Variants in KCNH5 observed in about 807,000 individuals in gnomAD.
KCNH5 encodes the protein potassium voltage-gated channel subfamily H member 5.
Under a neutral mutation model 96.1 loss-of-function variants are expected in KCNH5, and 46 were observed. The ratio of observed to expected loss-of-function variants is 0.48; its 90% CI spans 0.38 to 0.61. The LOEUF is 0.61. Among genes scored for constraint, KCNH5 ranks in the 20% least tolerant of loss-of-function variants. The pLI, the probability that KCNH5 is intolerant of heterozygous loss-of-function variation, is 0.00. For missense variants in KCNH5, 907 were observed against 1,225.8 expected, an observed-to-expected ratio of 0.74 and a Z score of 3.88; for synonymous variants, 439 against 449.8, an observed-to-expected ratio of 0.98 and a Z score of 0.30.
chr14:62,878,210 G>T (rs12893788), intron 7 of KCNH5, among the ~76,000 whole-genome samples: 24 of 138,082 alleles, frequency 1.7e-4, no homozygotes, highest in Non-Finnish European at 3.1e-4. Flanking sequence ...ATGGGGGGGG[G>T]GGCGGAGGGA....
chr14:62,718,282 C>T lies in KCNH5; in HGVS notation c.2020-9827G>A, dbSNP rs558941333. 1.6e-4 allele frequency among the ~76,000 whole-genome samples: 25 copies of T among 151,704 alleles called. No individual in the cohort carries two copies. In the South Asian group the frequency reaches 3.7e-3, roughly 23 times the overall value. On this transcript the variant is annotated intron_variant, in intron 10 of 10. Transcript: ENST00000322893. ...TGCAACAAACCTGCATATCTACCCC[C>T]GAATTTAAAATATAATAATAATAAT...
intron 10 of KCNH5, among the ~76,000 whole-genome samples, chr14:62,720,225 C>T (rs1159033557): frequency 3.9e-5 from 6 of 152,070 alleles, no homozygotes; most frequent in African/African-American, 9.7e-5. Flanking sequence ...CTTTAGTAAA[C>T]AGGAGGAGAA....
chr14:62,970,647 A>G (rs1890389523), intron 6 of KCNH5, among the ~76,000 whole-genome samples: 1 of 152,210 alleles, frequency 6.6e-6, no homozygotes, highest in Admixed American at 6.5e-5. Flanking sequence ...TAAAAAGTAT[A>G]CACTGTGACC....
At chr14:62,795,609 T>C (rs549775708) in intron 9 of KCNH5, among the ~76,000 whole-genome samples, 2 of 152,302 alleles carry the variant, frequency 1.3e-5, no homozygotes, top group South Asian at 4.1e-4. Context: ...GAGGGTGTTC[T>C]GAAACCAATC....
In KCNH5 at chr14:62,955,745, C is replaced by A. The variant is rs530907753; in HGVS notation, c.943-5186G>T. ...CCACTCAGTCACAGCAATGGCCACG[C>A]AGTAGGGGTCCGTGGAGGCCCTGGA... On this transcript the variant is annotated intron_variant, in intron 6 of 10. Coordinates refer to ENST00000322893, the MANE Select transcript of KCNH5 (RefSeq NM_139318.5). Among the ~76,000 whole-genome samples the A allele has an allele frequency of 5.3e-5, 8 of 152,310 alleles. No individual in the cohort carries two copies. In the South Asian group the frequency reaches 1.5e-3, roughly 28 times the overall value.
intron 8 of KCNH5, among the ~76,000 whole-genome samples, chr14:62,819,971 T>G (rs1474672077): frequency 6.6e-6 from 1 of 152,192 alleles, no homozygotes; most frequent in Non-Finnish European, 1.5e-5. Flanking sequence ...TTCGTTTCAT[T>G]TAACAACTAC....
At chr14:63,005,874 T>G (rs1283457941) in intron 3 of KCNH5, among the ~76,000 whole-genome samples, 1 of 152,194 alleles carries the variant, frequency 6.6e-6, no homozygotes, top group Non-Finnish European at 1.5e-5. Flanking sequence ...CAACGACTAC[T>G]TCTACTAGGC....
At chr14:62,895,302 A>G (rs533199949) in intron 7 of KCNH5, among the ~76,000 whole-genome samples, 2 of 151,928 alleles carry the variant, frequency 1.3e-5, no homozygotes, top group Admixed American at 6.5e-5. Flanking sequence ...TAAGAACTCT[A>G]TTAGTCAATA....
chr14:62,704,603 T>C lies in KCNH5; in HGVS notation c.*2905A>G, dbSNP rs1325356420. On this transcript the variant is annotated 3_prime_UTR_variant, in exon 11 of 11. Transcript: ENST00000322893. Reference sequence around the variant, plus strand: ...CTGATCTTACCTATTAATAACATCATAGAAAAATATTGAAGGTGTGTAAAT... The same window carrying C: ...CTGATCTTACCTATTAATAACATCACAGAAAAATATTGAAGGTGTGTAAAT... 1.3e-5 allele frequency: 2 copies of C among 151,908 alleles called. No homozygotes were observed. Among genetic ancestry groups the C allele is most frequent in the Non-Finnish European group, 2.9e-5 (2 of 67,818 alleles). The allele number at this position is 151,908 out of a possible 1,614,324, so 9.4% of individuals were successfully genotyped here.
intron 5 of KCNH5, among the ~76,000 whole-genome samples, chr14:62,983,081 C>T (rs542507743): frequency 1.3e-5 from 2 of 152,264 alleles, no homozygotes; most frequent in East Asian, 3.9e-4. Flanking sequence ...TATACACAGT[C>T]TATGTTTAAC....
intron 8 of KCNH5, among the ~76,000 whole-genome samples, chr14:62,834,105 G>C (rs868345662): frequency 2.2e-4 from 33 of 151,864 alleles, no homozygotes; most frequent in African/African-American, 7.5e-4. Flanking sequence ...TTCTCTCGTG[G>C]CTTTTATAAA....
rs573208598 is a variant in KCNH5, at chr14:62,900,759, G to A, written c.1369+49374C>T. On this transcript the variant is annotated intron_variant, in intron 7 of 10. Transcript: ENST00000322893. ...GAAGAAAACAAAGATATGATGAGGAGGGTCAACAAAACTAAAAGTTTTTGA... is the reference window on the plus strand; with the variant it reads ...GAAGAAAACAAAGATATGATGAGGAAGGTCAACAAAACTAAAAGTTTTTGA... Among the ~76,000 whole-genome samples, 3 of 151,892 alleles carry A rather than the reference G, an allele frequency of 2.0e-5. No homozygotes were observed. The East Asian group carries it at 5.8e-4, about 29-fold the overall frequency.
intron 8 of KCNH5, among the ~76,000 whole-genome samples, chr14:62,814,148 G>A (rs1595634522): frequency 6.6e-6 from 1 of 152,326 alleles, no homozygotes; most frequent in East Asian, 1.9e-4. Context: ...AAGTTCCTGT[G>A]ACTAGACTTC....
At chr14:62,714,172 C>T (rs565698655) in intron 10 of KCNH5, among the ~76,000 whole-genome samples, 1 of 151,944 alleles carries the variant, frequency 6.6e-6, no homozygotes, top group East Asian at 1.9e-4. Flanking sequence ...GCCCGTGGTC[C>T]TAGCTACTTG....
chr14:62,749,883 T>C (rs1275852522), intron 10 of KCNH5, among the ~76,000 whole-genome samples: 2 of 152,170 alleles, frequency 1.3e-5, no homozygotes, highest in African/African-American at 4.8e-5. Context: ...TGAAGATATG[T>C]TTTGGGTAAT....
intron 7 of KCNH5, among the ~76,000 whole-genome samples, chr14:62,891,541 C>T (rs1888711523): frequency 6.6e-6 from 1 of 151,932 alleles, no homozygotes; most frequent in Non-Finnish European, 1.5e-5. Flanking sequence ...TTCATATGGA[C>T]CCCCAAACCT....
At chr14:62,945,474 T>C (rs1889868878) in intron 7 of KCNH5, among the ~76,000 whole-genome samples, 1 of 152,148 alleles carries the variant, frequency 6.6e-6, no homozygotes, top group Admixed American at 6.6e-5. Flanking sequence ...ATTTCATTCA[T>C]TCATATGAAA....
chr14:62,818,489 G>A (rs1887045922), intron 8 of KCNH5, among the ~76,000 whole-genome samples: 1 of 152,056 alleles, frequency 6.6e-6, no homozygotes, highest in South Asian at 2.1e-4. Flanking sequence ...ACATCACAGT[G>A]GCTAATATGT....
At chr14:62,949,800 C>CTTTTT in intron 7 of KCNH5, 1 of 167,916 alleles carries the variant, frequency 6.0e-6, no homozygotes, top group Non-Finnish European at 1.2e-5. Context: ...GATCCTATCT[C>CTTTTT]TTTTTTTTTT....
Sources: allele counts gnomAD v4.1 joint callset (sites outside exome capture counted in the v4.1 genomes callset), GRCh38; gene constraint gnomAD v4.1.1; transcripts MANE v1.5; gene names NCBI Gene and HGNC (gene_info 2026-07-23, HGNC 2026-07-21).